Variants in UXS1 observed in about 807,000 individuals in gnomAD.
The protein encoded by UXS1 is UDP-glucuronate decarboxylase 1, also known as UDP-glucuronic acid decarboxylase 1.
Under a neutral mutation model 62.6 loss-of-function variants are expected in UXS1, and 33 were observed. The ratio of observed to expected loss-of-function variants is 0.53; its 90% CI spans 0.40 to 0.70. The LOEUF (loss-of-function observed/expected upper bound fraction) is 0.70. Among genes scored for constraint, UXS1 ranks in the 30% least tolerant of loss-of-function variants. UXS1 has a pLI of 0.00. For missense variants in UXS1, 434 were observed against 556.3 expected, an observed-to-expected ratio of 0.78 and a Z score of 2.21; for synonymous variants, 213 against 206.8, an observed-to-expected ratio of 1.03 and a Z score of -0.26.
intron 13 of UXS1, 80 bp downstream of exon 13, chr2:106,098,636 C>G: frequency 8.5e-7 from 1 of 1,176,158 alleles, no homozygotes; most frequent in Non-Finnish European, 1.2e-6. Flanking sequence ...GTATTAATTA[C>G]CCACTTTCTA....
intron 12 of UXS1, among the ~76,000 whole-genome samples, chr2:106,100,031 A>G (rs1677465461): frequency 1.3e-5 from 2 of 152,238 alleles, no homozygotes; most frequent in South Asian, 4.1e-4. Context: ...GAAATAGGTC[A>G]CATGGCCAAC....
chr2:106,122,100 C>T (rs773155526), intron 9 of UXS1, among the ~76,000 whole-genome samples: 1 of 152,250 alleles, frequency 6.6e-6, no homozygotes, highest in Non-Finnish European at 1.5e-5. Flanking sequence ...AGACTGGGCC[C>T]TGGGCCTGAC....
At chr2:106,190,077 G>A (rs564370494) in intron 1 of UXS1, among the ~76,000 whole-genome samples, 3 of 152,206 alleles carry the variant, frequency 2.0e-5, no homozygotes, top group Non-Finnish European at 4.4e-5. Flanking sequence ...GCATCCTGAT[G>A]CTCATGAACA....
At chr2:106,178,594 GTA>G (rs1405288271) in intron 1 of UXS1, among the ~76,000 whole-genome samples, 4 of 151,838 alleles carry the variant, frequency 2.6e-5, no homozygotes, top group Admixed American at 6.6e-5. Flanking sequence ...ATATGTACAT[GTA>G]TGTGTGTGTA....
chr2:106,172,464 G>T (rs1463780733), intron 1 of UXS1, among the ~76,000 whole-genome samples: 2 of 152,190 alleles, frequency 1.3e-5, no homozygotes, highest in African/African-American at 2.4e-5. Context: ...ACATTTATTT[G>T]AGTATCTTCT....
At chr2:106,138,424 T>A in intron 6 of UXS1, 1 of 985,456 alleles carries the variant, frequency 1.0e-6, no homozygotes, top group Non-Finnish European at 1.2e-6. Flanking sequence ...GTGTGGACTC[T>A]AGAGGGAGGG....
chr2:106,165,136 T>C (rs1232129068), intron 2 of UXS1, among the ~76,000 whole-genome samples: 1 of 152,248 alleles, frequency 6.6e-6, no homozygotes, highest in Non-Finnish European at 1.5e-5. Context: ...TGCTGGGCTT[T>C]CCTGGGGATT....
intron 9 of UXS1, among the ~76,000 whole-genome samples, chr2:106,121,689 G>A (rs958228064): frequency 1.3e-5 from 2 of 152,234 alleles, no homozygotes; most frequent in Non-Finnish European, 2.9e-5. Flanking sequence ...TAAGCCAACA[G>A]ACTAAAGTCG....
intron 5 of UXS1, among the ~76,000 whole-genome samples, chr2:106,157,068 T>G (rs1036128971): frequency 3.3e-5 from 5 of 152,044 alleles, no homozygotes; most frequent in African/African-American, 7.2e-5. Flanking sequence ...AAAAACAGAT[T>G]AGTGGTTGCC....
At chr2:106,115,373 C>A (rs181048850) in intron 9 of UXS1, among the ~76,000 whole-genome samples, 323 of 152,356 alleles carry the variant, frequency 2.1e-3, no homozygotes, top group Non-Finnish European at 3.9e-3. Flanking sequence ...GTTCTGCCTG[C>A]GAGTGGTCAG....
intron 9 of UXS1, among the ~76,000 whole-genome samples, chr2:106,120,694 G>T (rs1679452141): frequency 6.6e-6 from 1 of 152,238 alleles, no homozygotes; most frequent in Non-Finnish European, 1.5e-5. Context: ...ACGGAAAGCA[G>T]CAAGCGTGGT....
At chr2:106,166,526 G>A (rs78922601) in intron 1 of UXS1, 258 of 158,592 alleles carry the variant, frequency 1.6e-3, no homozygotes, top group African/African-American at 5.8e-3. Context: ...TTAAAGAACC[G>A]GCCCTGGGCA....
In UXS1 at chr2:106,100,070, T is replaced by C. The variant is rs146857050; in HGVS notation, c.984+988A>G. Among the ~76,000 whole-genome samples the C allele has an allele frequency of 2.8e-3, 427 of 152,256 alleles. 2 individuals are homozygous for C. The highest frequency in any genetic ancestry group is 9.6e-3 in the African/African-American group (400 of 41,538). ...TTAGAGTTCCCTGAACTTTAGAGTG[T>C]TGTGTAGGAACCAGGAGAGGTAATT... On this transcript the variant is annotated intron_variant, in intron 12 of 14. Coordinates refer to ENST00000283148, the MANE Select transcript of UXS1 (RefSeq NM_001253875.2).
chr2:106,139,098 C>T lies in UXS1; in HGVS notation c.472+6092G>A, dbSNP rs144030393. Among the ~76,000 whole-genome samples, 384 of 152,244 alleles carry T rather than the reference C, an allele frequency of 2.5e-3. 1 individual carries two copies. Among genetic ancestry groups the T allele is most frequent in the African/African-American group, 8.8e-3 (365 of 41,530 alleles). ...GACAAAGGCCCTGGGAACATGTCAACTGCACAGTTCAGAGTACACCAAGCA... is the reference window on the plus strand; with the variant it reads ...GACAAAGGCCCTGGGAACATGTCAATTGCACAGTTCAGAGTACACCAAGCA... On this transcript the variant is annotated intron_variant, in intron 6 of 14. Transcript: ENST00000283148.
intron 12 of UXS1, chr2:106,100,760 G>A (rs1405144410): frequency 2.0e-5 from 7 of 342,542 alleles, no homozygotes; most frequent in East Asian, 1.6e-4. Flanking sequence ...AATAGAGAAC[G>A]AGATGCACAC....
Position 106,104,835 on chromosome 2 carries a change from T to C in UXS1, c.882A>G (p.Val294=). Residue 294 remains valine, a splice_region_variant and synonymous_variant, in exon 11 of 15, where the codon GTA becomes GTG. Transcript: ENST00000283148. Reference sequence around the variant, plus strand: ...CCCTTGTCTGAGACCCGGATCCGTATACCTGGAAGGAAACCAACAGTTAGG... The same window carrying C: ...CCCTTGTCTGAGACCCGGATCCGTACACCTGGAAGGAAACCAACAGTTAGG... ...LQALQGEPLT[V]YGSGSQTRAF... 5 of 1,613,974 alleles carry C rather than the reference T, an allele frequency of 3.1e-6. No homozygotes were observed. The highest frequency in any genetic ancestry group is 2.5e-6 in the Non-Finnish European group (3 of 1,179,880).
intron 1 of UXS1, among the ~76,000 whole-genome samples, chr2:106,182,858 A>G (rs1165117546): frequency 6.6e-6 from 1 of 152,186 alleles, no homozygotes; most frequent in African/African-American, 2.4e-5. Flanking sequence ...GTGAAGCCTA[A>G]GGAGGGCAGA....
chr2:106,128,455 T>C (rs1352512742), intron 7 of UXS1, among the ~76,000 whole-genome samples: 1 of 152,120 alleles, frequency 6.6e-6, no homozygotes, highest in African/African-American at 2.4e-5. Context: ...AGAGGATAAT[T>C]TGAATGTGTA....
chr2:106,126,395 AC>A (rs11305746), intron 7 of UXS1, among the ~76,000 whole-genome samples: 127,119 of 151,814 alleles, frequency 0.84, 54,073 homozygotes, highest in Non-Finnish European at 0.93. Context: ...CAGGCGACAT[AC>A]CCCACCCCCA....
Sources: allele counts gnomAD v4.1 joint callset (sites outside exome capture counted in the v4.1 genomes callset), GRCh38; gene constraint gnomAD v4.1.1; transcripts MANE v1.5; gene names NCBI Gene and HGNC (gene_info 2026-07-23, HGNC 2026-07-21).